Variants in MLLT3 observed in about 807,000 individuals in gnomAD.
MLLT3 encodes the protein MLLT3 super elongation complex subunit.
In MLLT3, 4 loss-of-function variants were observed where a neutral mutation model predicts 53.2. The ratio of observed to expected loss-of-function variants is 0.08; its 90% CI spans 0.04 to 0.17. The LOEUF is 0.17. Among genes scored for constraint, MLLT3 ranks in the 10% least tolerant of loss-of-function variants. The pLI is 1.00. For missense variants in MLLT3, 569 were observed against 684.0 expected, an observed-to-expected ratio of 0.83 and a Z score of 1.87; for synonymous variants, 283 against 230.6, an observed-to-expected ratio of 1.23 and a Z score of -2.06.
At chr9:20,402,290 T>C (rs1483902215) in intron 5 of MLLT3, among the ~76,000 whole-genome samples, 3 of 152,020 alleles carry the variant, frequency 2.0e-5, no homozygotes, top group Admixed American at 6.6e-5. Flanking sequence ...CAGACCACAA[T>C]GGGTTGAGGA....
At chr9:20,431,765 C>T (rs554663857) in intron 4 of MLLT3, among the ~76,000 whole-genome samples, 1 of 152,140 alleles carries the variant, frequency 6.6e-6, no homozygotes, top group African/African-American at 2.4e-5. Context: ...AATGAATACA[C>T]AACTCATGAT....
intron 2 of MLLT3, among the ~76,000 whole-genome samples, chr9:20,562,887 A>T (rs968849582): frequency 6.6e-6 from 1 of 152,136 alleles, no homozygotes; most frequent in Non-Finnish European, 1.5e-5. Flanking sequence ...AGAGTTGTGA[A>T]ATCTCAAAAA....
At position 20,386,721 on chromosome 9, in the gene MLLT3, A is replaced by AT. The variant is rs144097679; in HGVS notation, c.1126-20978_1126-20977insA. Among the ~76,000 whole-genome samples, 679 of 152,332 alleles carry AT rather than the reference A, an allele frequency of 4.5e-3. 9 individuals carry two copies. The highest frequency in any genetic ancestry group is 0.016 in the African/African-American group (655 of 41,580). On this transcript the variant is annotated intron_variant, in intron 5 of 10. Coordinates refer to ENST00000380338, the MANE Select transcript of MLLT3 (RefSeq NM_004529.4). ...TCTAGACCCCAAAAAATTCTCAGTA[A>AT]GAAATGCTAACCGGATTTTATGGCC...
At chr9:20,554,584 A>G (rs12377027) in intron 2 of MLLT3, among the ~76,000 whole-genome samples, 19,345 of 152,208 alleles carry the variant, frequency 0.13, 1,721 homozygotes, top group Middle Eastern at 0.22. Flanking sequence ...CAATAAAACA[A>G]AGTTCAGCAA....
At chr9:20,485,856 A>T (rs1423615558) in intron 2 of MLLT3, among the ~76,000 whole-genome samples, 2 of 152,244 alleles carry the variant, frequency 1.3e-5, no homozygotes, top group African/African-American at 4.8e-5. Flanking sequence ...GAATAAGGTG[A>T]AATTTTTACA....
chr9:20,562,790 C>A (rs923737480), intron 2 of MLLT3, among the ~76,000 whole-genome samples: 2 of 152,058 alleles, frequency 1.3e-5, no homozygotes, highest in Non-Finnish European at 2.9e-5. Flanking sequence ...CCTGGTAAGA[C>A]CAGAAAAATG....
At chr9:20,575,900 C>CT (rs1819640917) in intron 2 of MLLT3, among the ~76,000 whole-genome samples, 3 of 152,222 alleles carry the variant, frequency 2.0e-5, no homozygotes, top group Admixed American at 2.0e-4. Context: ...GAAAGTAAGT[C>CT]TGTCCTTTCA....
intron 2 of MLLT3, among the ~76,000 whole-genome samples, chr9:20,539,704 T>G (rs1224380979): frequency 6.6e-6 from 1 of 152,116 alleles, no homozygotes; most frequent in Non-Finnish European, 1.5e-5. Flanking sequence ...TGGGGACACA[T>G]AGCCAAACCA....
chr9:20,486,879 C>G (rs1490135175), intron 2 of MLLT3, among the ~76,000 whole-genome samples: 2 of 152,064 alleles, frequency 1.3e-5, no homozygotes, highest in East Asian at 3.9e-4. Context: ...ATCTTTATAT[C>G]AGTACTTGTT....
chr9:20,413,907 T>G lies in MLLT3; in HGVS notation c.939A>C (p.Ala313=). 2 of 1,613,662 alleles carry G rather than the reference T, an allele frequency of 1.2e-6. No homozygotes were observed. The highest frequency in any genetic ancestry group is 1.7e-6 in the Non-Finnish European group (2 of 1,179,914). Residue 313 remains alanine (A), a synonymous_variant, in exon 5 of 11, where the codon GCA becomes GCC. Coordinates refer to ENST00000380338, the MANE Select transcript of MLLT3 (RefSeq NM_004529.4). ...SEALFKSFSS[A]PPLILTCSAD... Reference sequence around the variant, plus strand: ...CAGAACAAGTGAGTATCAGTGGTGGTGCGCTAGAAAAACTTTTAAATAAAG... The same window carrying G: ...CAGAACAAGTGAGTATCAGTGGTGGGGCGCTAGAAAAACTTTTAAATAAAG...
intron 2 of MLLT3, among the ~76,000 whole-genome samples, chr9:20,485,175 G>C (rs1824776667): frequency 5.3e-5 from 8 of 151,986 alleles, no homozygotes. Flanking sequence ...TTTCAGTAGA[G>C]ACGGGGTTTC....
At chr9:20,411,527 G>A (rs571336759) in intron 5 of MLLT3, among the ~76,000 whole-genome samples, 1 of 152,234 alleles carries the variant, frequency 6.6e-6, no homozygotes, top group South Asian at 2.1e-4. Context: ...AATAGTACCT[G>A]AAAGTCTTTA....
chr9:20,395,421 C>T (rs1384814534), intron 5 of MLLT3, among the ~76,000 whole-genome samples: 1 of 152,072 alleles, frequency 6.6e-6, no homozygotes, highest in Non-Finnish European at 1.5e-5. Flanking sequence ...CAAAAATATT[C>T]CTACATATTC....
intron 4 of MLLT3, among the ~76,000 whole-genome samples, chr9:20,440,676 T>C (rs1823525784): frequency 6.6e-6 from 1 of 152,132 alleles, no homozygotes; most frequent in African/African-American, 2.4e-5. Context: ...CATAAAGAGC[T>C]AGTACCTAAG....
In MLLT3 at chr9:20,507,833, A is replaced by C. The variant is rs145830262; in HGVS notation, c.194-51047T>G. On this transcript the variant is annotated intron_variant, in intron 2 of 10. Transcript: ENST00000380338. ...AATGTTAAAATCATAATAGAATAAAAGGAAAAGGAAAGGTACTCTTCACAA... is the reference window on the plus strand; with the variant it reads ...AATGTTAAAATCATAATAGAATAAACGGAAAAGGAAAGGTACTCTTCACAA... Among the ~76,000 whole-genome samples the C allele has an allele frequency of 2.0e-4, 31 of 152,182 alleles. No homozygotes were observed. The East Asian group carries it at 5.2e-3, about 26-fold the overall frequency.
chr9:20,344,020 A>T lies in MLLT3; in HGVS notation c.*2423T>A. ...AATTTTGTGAAAAACTTACTTTGCT[A>T]TCTTGATGAGTAGAAGATGGATAAG... is the stretch of plus-strand genomic sequence containing the variant. On this transcript the variant is annotated 3_prime_UTR_variant, in exon 11 of 11. Transcript: ENST00000380338. 4.9e-6 allele frequency: 1 copy of T among 202,384 alleles called. No individual in the cohort carries two copies. Among genetic ancestry groups the T allele is most frequent in the Non-Finnish European group, 1.0e-5 (1 of 98,512 alleles). The allele number at this position is 202,384 out of a possible 1,614,324, so 12.5% of individuals were successfully genotyped here. A position where few individuals can be genotyped will look rare whatever the true frequency, so the allele number is the denominator to read the frequency against.
chr9:20,514,481 T>C (rs1433187761), intron 2 of MLLT3, among the ~76,000 whole-genome samples: 3 of 152,152 alleles, frequency 2.0e-5, no homozygotes, highest in South Asian at 2.1e-4. Flanking sequence ...AAATGATATG[T>C]AGCTGTACCA....
At chr9:20,558,008 A>G (rs1411828983) in intron 2 of MLLT3, among the ~76,000 whole-genome samples, 2 of 152,178 alleles carry the variant, frequency 1.3e-5, no homozygotes, top group Non-Finnish European at 2.9e-5. Flanking sequence ...ATCACTGCCT[A>G]TTCCTCTCCT....
chr9:20,342,295 C>T lies in MLLT3; in HGVS notation c.*4148G>A, dbSNP rs976141137. On this transcript the variant is annotated 3_prime_UTR_variant, in exon 11 of 11. Transcript: ENST00000380338. ...ACATGGATTTTAGAGAAGGGAAATA[C>T]ATCTTACAGTGTGCCTTGAATTCAC... 4.0e-5 allele frequency: 9 copies of T among 223,998 alleles called. No homozygotes were observed. The highest frequency in any genetic ancestry group is 7.1e-5 in the Non-Finnish European group (8 of 112,394). The allele number at this position is 223,998 out of a possible 1,614,324, so 13.9% of individuals were successfully genotyped here. A position where few individuals can be genotyped will look rare whatever the true frequency, so the allele number is the denominator to read the frequency against.
Sources: gnomAD v4.1 joint callset for allele counts (sites outside exome capture counted in the v4.1 genomes callset) on GRCh38, gnomAD v4.1.1 for gene constraint, MANE v1.5 for transcripts, NCBI Gene and HGNC (gene_info 2026-07-23, HGNC 2026-07-21) for gene names.